Variants in LRP1B observed in about 807,000 individuals in gnomAD.
LRP1B encodes low-density lipoprotein receptor-related protein 1B.
LRP1B carries 217 observed loss-of-function variants against 556.6 expected under a neutral mutation model. That is an observed-to-expected ratio of 0.39 (90% CI 0.35 to 0.44). The LOEUF (loss-of-function observed/expected upper bound fraction) is 0.44. LRP1B is among the 20% of genes least tolerant of loss of function. The pLI, the probability that LRP1B is intolerant of heterozygous loss-of-function variation, is 1.00. For missense variants in LRP1B, 5,053 were observed against 5,620.8 expected (o/e 0.90, Z 3.23); for synonymous variants, 2,047 against 1,865.8 (o/e 1.10, Z -2.50).
intron 11 of LRP1B, 55 bp downstream of exon 11, chr2:141,048,930 CT>C: frequency 7.5e-7 from 1 of 1,333,720 alleles, no homozygotes; most frequent in Non-Finnish European, 1.1e-6. Context: ...TGGATTTATC[CT>C]TTTAAAGTGC....
chr2:142,102,067 A>G (rs1706585139), intron 1 of LRP1B, among the ~76,000 whole-genome samples: 1 of 152,002 alleles, frequency 6.6e-6, no homozygotes, highest in African/African-American at 2.4e-5. Flanking sequence ...GGGATGCTAC[A>G]TTATGATAGT....
chr2:140,533,377 T>G (rs1338883862), intron 47 of LRP1B, among the ~76,000 whole-genome samples: 1 of 152,122 alleles, frequency 6.6e-6, no homozygotes, highest in Non-Finnish European at 1.5e-5. Context: ...TATCCAAATT[T>G]AGACAGTAAA....
chr2:140,325,174 A>C (rs971059241), intron 80 of LRP1B, among the ~76,000 whole-genome samples: 1 of 151,934 alleles, frequency 6.6e-6, no homozygotes, highest in Non-Finnish European at 1.5e-5. Flanking sequence ...GCAGAGAAAA[A>C]GTATGAGGAA....
At chr2:141,756,191 T>C (rs1255551816) in intron 2 of LRP1B, among the ~76,000 whole-genome samples, 1 of 152,114 alleles carries the variant, frequency 6.6e-6, no homozygotes, top group Non-Finnish European at 1.5e-5. Flanking sequence ...TTTCCACAAA[T>C]GTCAAGTGTT....
At chr2:141,382,295 A>T (rs1375672157) in intron 3 of LRP1B, among the ~76,000 whole-genome samples, 1 of 152,220 alleles carries the variant, frequency 6.6e-6, no homozygotes. Context: ...CCCATAATTC[A>T]TAGCCCAGTA....
At chr2:141,642,524 T>C (rs1349145878) in intron 2 of LRP1B, among the ~76,000 whole-genome samples, 2 of 152,148 alleles carry the variant, frequency 1.3e-5, no homozygotes, top group Non-Finnish European at 2.9e-5. Flanking sequence ...ACTGCAATTC[T>C]AATAGAAATG....
At chr2:140,808,217 C>CCTAAAG (rs148862152) in intron 32 of LRP1B, among the ~76,000 whole-genome samples, 5 of 151,926 alleles carry the variant, frequency 3.3e-5, no homozygotes, top group African/African-American at 4.8e-5. Context: ...AGTCATTGCA[C>CCTAAAG]TGTCACTGGA....
At chr2:140,469,173 C>T (rs1268042473) in intron 60 of LRP1B, among the ~76,000 whole-genome samples, 1 of 152,086 alleles carries the variant, frequency 6.6e-6, no homozygotes, top group Admixed American at 6.6e-5. Flanking sequence ...ATATTGGAAC[C>T]TAATACCCAG....
At chr2:142,016,495 G>C (rs1300871895) in intron 1 of LRP1B, among the ~76,000 whole-genome samples, 2 of 152,092 alleles carry the variant, frequency 1.3e-5, no homozygotes, top group African/African-American at 2.4e-5. Context: ...ATACTATGCA[G>C]CCATAAAAAA....
At chr2:140,498,338 A>G (rs1035046454) in intron 55 of LRP1B, among the ~76,000 whole-genome samples, 6 of 151,884 alleles carry the variant, frequency 4.0e-5, no homozygotes, top group African/African-American at 1.4e-4. Flanking sequence ...GTAACATGAC[A>G]AATATTGATC....
At chr2:141,217,462 G>C (rs1437855993) in intron 6 of LRP1B, among the ~76,000 whole-genome samples, 1 of 152,086 alleles carries the variant, frequency 6.6e-6, no homozygotes, top group African/African-American at 2.4e-5. Flanking sequence ...ACGGAAAAAG[G>C]TGAGCTTGAT....
At chr2:140,916,033 A>G (rs577449268) in intron 21 of LRP1B, among the ~76,000 whole-genome samples, 68 of 152,168 alleles carry the variant, frequency 4.5e-4, no homozygotes, top group Non-Finnish European at 8.5e-4. Context: ...GTCTCAAGAA[A>G]AAAAACAAAC....
At chr2:140,996,379 A>C (rs1168281718) in intron 15 of LRP1B, among the ~76,000 whole-genome samples, 1 of 152,026 alleles carries the variant, frequency 6.6e-6, no homozygotes, top group Non-Finnish European at 1.5e-5. Context: ...TAATGTGCCA[A>C]GTCGTAATCC....
At chr2:140,957,685 C>T (rs756931073) in intron 18 of LRP1B, among the ~76,000 whole-genome samples, 8 of 151,104 alleles carry the variant, frequency 5.3e-5, no homozygotes, top group Non-Finnish European at 7.4e-5. Context: ...AAAAACGTTG[C>T]CTGTGCATGC....
At chr2:142,024,428 T>C (rs1430016400) in intron 1 of LRP1B, among the ~76,000 whole-genome samples, 1 of 152,104 alleles carries the variant, frequency 6.6e-6, no homozygotes, top group Non-Finnish European at 1.5e-5. Context: ...AGCTCTAGGG[T>C]GAGTTCCCTA....
At chr2:140,929,756 T>TCACTCACA (rs1553562048) in intron 20 of LRP1B, among the ~76,000 whole-genome samples, 1 of 139,236 alleles carries the variant, frequency 7.2e-6, no homozygotes, top group African/African-American at 2.6e-5. Context: ...TCATATAGAC[T>TCACTCACA]CACACACACA....
intron 66 of LRP1B, among the ~76,000 whole-genome samples, chr2:140,403,027 C>T (rs1684574394): frequency 6.6e-6 from 1 of 152,070 alleles, no homozygotes; most frequent in African/African-American, 2.4e-5. Context: ...ATTCAAGGAA[C>T]TCATACAGTC....
In LRP1B at chr2:140,421,560, G is replaced by T. The variant is rs549954481; in HGVS notation, c.10414+20944C>A. ...TTAAAATACCATGTTATTTAAAAAAGTTTATTATTTGTCCCCTTCTCTCTC... is the reference window on the plus strand; with the variant it reads ...TTAAAATACCATGTTATTTAAAAAATTTTATTATTTGTCCCCTTCTCTCTC... On this transcript the variant is annotated intron_variant, in intron 66 of 90. Transcript: ENST00000389484. 2.0e-5 allele frequency among the ~76,000 whole-genome samples: 3 copies of T among 152,068 alleles called. No individual in the cohort carries two copies. In the South Asian group the frequency reaches 6.2e-4, roughly 32 times the overall value.
chr2:141,920,014 G>C (rs758354830), intron 1 of LRP1B, among the ~76,000 whole-genome samples: 1 of 151,924 alleles, frequency 6.6e-6, no homozygotes, highest in African/African-American at 2.4e-5. Flanking sequence ...AGCATTTCAA[G>C]AGCCTTAAGC....
Sources: gnomAD v4.1 joint callset for allele counts (sites outside exome capture counted in the v4.1 genomes callset) on GRCh38, gnomAD v4.1.1 for gene constraint, MANE v1.5 for transcripts, NCBI Gene and HGNC (gene_info 2026-07-23, HGNC 2026-07-21) for gene names.